The following KCNQ5 variants were observed in gnomAD, a reference collection of about 807,000 sequenced individuals.
The protein encoded by KCNQ5 is potassium voltage-gated channel subfamily Q member 5, also known as potassium voltage-gated channel subfamily KQT member 5.
In KCNQ5, 30 loss-of-function variants were observed where a neutral mutation model predicts 98.2. That is an observed-to-expected ratio of 0.31 (90% CI 0.23 to 0.41). The LOEUF (loss-of-function observed/expected upper bound fraction) is 0.41. KCNQ5 is among the 10% of genes least tolerant of loss of function. The pLI is 1.00. For missense variants in KCNQ5, 835 were observed against 1,182.5 expected, an observed-to-expected ratio of 0.71 and a Z score of 4.31; for synonymous variants, 458 against 449.4, an observed-to-expected ratio of 1.02 and a Z score of -0.24.
intron 1 of KCNQ5, among the ~76,000 whole-genome samples, chr6:72,755,801 A>G (rs1198872935): frequency 6.6e-6 from 1 of 152,084 alleles, no homozygotes; most frequent in African/African-American, 2.4e-5. Flanking sequence ...TTTCAGTGCT[A>G]TTTATTTCTT....
At chr6:73,017,998 C>A (rs184935920) in intron 2 of KCNQ5, among the ~76,000 whole-genome samples, 2 of 152,160 alleles carry the variant, frequency 1.3e-5, no homozygotes, top group Admixed American at 1.3e-4. Context: ...CTCTCCTGAA[C>A]GTTATTTTTT....
At chr6:72,878,626 T>C (rs1465038882) in intron 1 of KCNQ5, among the ~76,000 whole-genome samples, 4 of 152,172 alleles carry the variant, frequency 2.6e-5, no homozygotes, top group African/African-American at 9.7e-5. Flanking sequence ...AAATTGTTAC[T>C]CATGAGAAAG....
intron 2 of KCNQ5, among the ~76,000 whole-genome samples, chr6:73,026,591 T>TAC: frequency 6.6e-6 from 1 of 152,336 alleles, no homozygotes; most frequent in Non-Finnish European, 1.5e-5. Context: ...TATCCCAATG[T>TAC]ACTTGTTCAT....
chr6:73,139,980 G>A (rs948258510), intron 10 of KCNQ5, among the ~76,000 whole-genome samples: 16 of 151,964 alleles, frequency 1.1e-4, no homozygotes, highest in Admixed American at 7.2e-4. Flanking sequence ...CTTAAAGATA[G>A]TTCATCCCCT....
intron 1 of KCNQ5, among the ~76,000 whole-genome samples, chr6:72,971,395 G>A (rs920552726): frequency 1.5e-4 from 23 of 152,340 alleles, no homozygotes; most frequent in Middle Eastern, 3.4e-3. Context: ...TACACTGTTG[G>A]TGGGACTGTA....
intron 1 of KCNQ5, among the ~76,000 whole-genome samples, chr6:72,702,772 G>A (rs1399316284): frequency 6.6e-6 from 1 of 152,072 alleles, no homozygotes; most frequent in Admixed American, 6.5e-5. Context: ...CCACTTTACG[G>A]TATGATTTCA....
At chr6:72,731,243 A>G (rs755491856) in intron 1 of KCNQ5, among the ~76,000 whole-genome samples, 1 of 152,186 alleles carries the variant, frequency 6.6e-6, no homozygotes, top group Non-Finnish European at 1.5e-5. Context: ...CATCCCATCC[A>G]AGGAAAGCCA....
intron 1 of KCNQ5, among the ~76,000 whole-genome samples, chr6:72,977,587 A>C (rs952260164): frequency 6.6e-6 from 1 of 152,170 alleles, no homozygotes; most frequent in Non-Finnish European, 1.5e-5. Flanking sequence ...TGAATTCCAA[A>C]TGCACCATTG....
intron 1 of KCNQ5, among the ~76,000 whole-genome samples, chr6:72,789,056 G>T (rs1251410363): frequency 6.6e-6 from 1 of 152,138 alleles, no homozygotes; most frequent in Non-Finnish European, 1.5e-5. Context: ...GGAGCCAAAG[G>T]CATTATCTGT....
At chr6:72,743,063 C>A (rs548904855) in intron 1 of KCNQ5, among the ~76,000 whole-genome samples, 4 of 152,272 alleles carry the variant, frequency 2.6e-5, no homozygotes, top group Admixed American at 2.6e-4. Context: ...GCTAGTCAGT[C>A]TAGCTTCTGC....
chr6:72,967,428 A>ATTTT (rs1767673196), intron 1 of KCNQ5, among the ~76,000 whole-genome samples: 1 of 152,202 alleles, frequency 6.6e-6, no homozygotes, highest in Non-Finnish European at 1.5e-5. Flanking sequence ...CAGTGAGGAA[A>ATTTT]ATGTATGGTG....
intron 1 of KCNQ5, among the ~76,000 whole-genome samples, chr6:72,671,248 T>C (rs756171745): frequency 1.3e-5 from 2 of 152,162 alleles, no homozygotes; most frequent in African/African-American, 4.8e-5. Flanking sequence ...GCCTTTACTT[T>C]GGGAAAACTG....
At chr6:72,707,319 A>G (rs887348392) in intron 1 of KCNQ5, among the ~76,000 whole-genome samples, 1 of 152,232 alleles carries the variant, frequency 6.6e-6, no homozygotes, top group African/African-American at 2.4e-5. Flanking sequence ...ATTAATATAA[A>G]TCAGTACTAA....
At chr6:72,876,770 C>G (rs146432131) in intron 1 of KCNQ5, among the ~76,000 whole-genome samples, 22 of 152,236 alleles carry the variant, frequency 1.4e-4, no homozygotes, top group Admixed American at 9.8e-4. Context: ...ATCACAGAAG[C>G]AAAATAACCA....
intron 9 of KCNQ5, among the ~76,000 whole-genome samples, chr6:73,131,939 G>T (rs1562197470): frequency 6.6e-6 from 1 of 152,210 alleles, no homozygotes; most frequent in Non-Finnish European, 1.5e-5. Context: ...GCTGTCAGTT[G>T]CATGGTCAAC....
chr6:72,978,662 A>G (rs967068296), intron 1 of KCNQ5, among the ~76,000 whole-genome samples: 17 of 152,120 alleles, frequency 1.1e-4, no homozygotes, highest in Non-Finnish European at 2.1e-4. Context: ...TAGATAAAGA[A>G]ACACAGAAGT....
chr6:72,761,857 C>T (rs1384466731), intron 1 of KCNQ5, among the ~76,000 whole-genome samples: 1 of 152,008 alleles, frequency 6.6e-6, no homozygotes, highest in Admixed American at 6.6e-5. Context: ...TCCCAGATAG[C>T]AGGAGTAGTG....
chr6:72,728,608 T>G (rs1770403271), intron 1 of KCNQ5, among the ~76,000 whole-genome samples: 1 of 152,206 alleles, frequency 6.6e-6, no homozygotes, highest in Admixed American at 6.5e-5. Flanking sequence ...GTCTTCCTAT[T>G]CTGGAAGAAG....
chr6:72,686,955 TTATC>T (rs977593738), intron 1 of KCNQ5, among the ~76,000 whole-genome samples: 61 of 152,338 alleles, frequency 4.0e-4, no homozygotes, highest in African/African-American at 8.4e-4. Context: ...TTCTATATGA[TTATC>T]TACTGATTTT....
Sources: allele counts gnomAD v4.1 joint callset (sites outside exome capture counted in the v4.1 genomes callset), GRCh38; gene constraint gnomAD v4.1.1; transcripts MANE v1.5; gene names NCBI Gene and HGNC (gene_info 2026-07-23, HGNC 2026-07-21).